PSD2: variants seen among roughly 807,000 people sequenced by gnomAD.
PSD2 encodes PH and SEC7 domain-containing protein 2.
Under a neutral mutation model 69.8 loss-of-function variants are expected in PSD2, and 38 were observed. That is an observed-to-expected ratio of 0.54 (90% CI 0.42 to 0.71). The LOEUF (loss-of-function observed/expected upper bound fraction) is 0.71, where lower values mean the gene tolerates loss of function less well. PSD2 is among the 30% of genes least tolerant of loss of function. The probability of loss-of-function intolerance (pLI) is 0.00; values close to 1 mark genes in which losing one functional copy is unlikely to be tolerated. For synonymous variants in PSD2, 412 were observed against 423.0 expected, an observed-to-expected ratio of 0.97 and a Z score of 0.32; for missense variants, 943 against 1,014.5, an observed-to-expected ratio of 0.93 and a Z score of 0.96.
chr5:139,813,447 C>T lies in PSD2; in HGVS notation c.510C>T (p.Ser170=), dbSNP rs199679832. The change falls in exon 3 of 15, where the codon AGC becomes AGT. Residue 170 remains serine (S), a synonymous_variant. Transcript: ENST00000274710. ...ACGGGCTGAGCCTCACGGATGAGAG[C>T]GACAGCTGCGTCAGCTTCGAGGCCC... ...SLDGLSLTDE[S]DSCVSFEAPL... is the part of the protein sequence containing the mutation. The T allele has an allele frequency of 5.2e-5, 84 of 1,614,028 alleles. No homozygotes were observed. Among genetic ancestry groups the T allele is most frequent in the African/African-American group, 4.3e-4 (32 of 75,060 alleles).
rs774603111 is a variant in PSD2 at position 139,837,162 on chromosome 5, C to T, written c.1595-6C>T. 13 of 1,613,966 alleles carry T rather than the reference C, an allele frequency of 8.1e-6. No individual in the cohort carries two copies. The highest frequency in any genetic ancestry group is 1.1e-5 in the Non-Finnish European group (13 of 1,179,900). On this transcript the variant is annotated splice_polypyrimidine_tract_variant and splice_region_variant and intron_variant, in intron 10 of 14. Transcript: ENST00000274710. This position sits in a 1 kb window ranked among gnomAD's most constrained non-coding sequence, Gnocchi z 5.0. ...GCAGCCACACTACCAGTGCCCTCCT[C>T]CCCAGCGCCCCGTGGGAGGCGTGGC...
chr5:139,759,137 G>C, the PSD2 span, among the ~76,000 whole-genome samples: 8 of 152,086 alleles, frequency 5.3e-5, no homozygotes, highest in Non-Finnish European at 1.0e-4. Flanking sequence ...CTTCCTGAAG[G>C]AGGCCCATGG....
the PSD2 span, among the ~76,000 whole-genome samples, chr5:139,769,719 GACCCA>G: frequency 6.6e-6 from 1 of 152,134 alleles, no homozygotes; most frequent in Admixed American, 6.5e-5. Flanking sequence ...GTGGCCTTGT[GACCCA>G]GGCTGGGTCA....
rs536470030 is a variant in PSD2, at chr5:139,809,530, C to A, written c.90C>A (p.Val30=). The part of the protein sequence containing the change: ...PGPEPEEEPG[V]RNGMASEGLN... The stretch of plus-strand genomic sequence containing the variant: ...CAGAGCCTGAAGAGGAGCCAGGGGT[C>A]CGGAATGGGATGGCCAGTGAGGGCC... The change falls in exon 2 of 15, where the codon GTC becomes GTA. Residue 30 remains valine, a synonymous_variant. Coordinates refer to ENST00000274710, the MANE Select transcript of PSD2 (RefSeq NM_032289.4). 1.9e-6 allele frequency: 3 copies of A among 1,613,250 alleles called. No homozygotes were observed. The African/African-American group carries it at 4.0e-5, about 22-fold the overall frequency.
the PSD2 span, among the ~76,000 whole-genome samples, chr5:139,749,588 T>G: frequency 6.6e-6 from 1 of 152,208 alleles, no homozygotes; most frequent in African/African-American, 2.4e-5. Context: ...AAGCTTGGAT[T>G]CCTTTCCTCA....
At chr5:139,792,861 T>TCCTTCCTC (rs1243131794), upstream of PSD2, among the ~76,000 whole-genome samples, 1 of 60,930 alleles carries the variant, frequency 1.6e-5, no homozygotes, top group Non-Finnish European at 3.4e-5. Flanking sequence ...TTTCTGTCTT[T>TCCTTCCTC]CCTTCCTTCC....
chr5:139,799,779 T>A (rs1037070904), intron 1 of PSD2, among the ~76,000 whole-genome samples: 6 of 151,074 alleles, frequency 4.0e-5, no homozygotes, highest in South Asian at 4.2e-4. Flanking sequence ...TGCTGGGGGG[T>A]ATCGGAGAAG....
chr5:139,745,888 C>T, the PSD2 span, among the ~76,000 whole-genome samples: 1 of 152,178 alleles, frequency 6.6e-6, no homozygotes, highest in African/African-American at 2.4e-5. Flanking sequence ...ACAAACAAGA[C>T]CGACACCGCC....
At chr5:139,756,984 G>C in the PSD2 span, among the ~76,000 whole-genome samples, 1 of 152,202 alleles carries the variant, frequency 6.6e-6, no homozygotes, top group East Asian at 1.9e-4. Context: ...GCTCTACAAG[G>C]TTGGAACTCA....
chr5:139,796,570 A>C (rs1469981836), intron 1 of PSD2, among the ~76,000 whole-genome samples: 1 of 152,164 alleles, frequency 6.6e-6, no homozygotes, highest in Non-Finnish European at 1.5e-5. Flanking sequence ...GAGGCACATA[A>C]TGGCCGAGGC....
chr5:139,815,308 C>T lies in PSD2; in HGVS notation c.1016+944C>T, dbSNP rs532361677. On this transcript the variant is annotated intron_variant, in intron 4 of 14. Transcript: ENST00000274710. ...CCCTCACCTGTTCTGCTAGGCTGGA[C>T]CCCCAAACCTAACGCCATCCTTTCA... is the stretch of plus-strand genomic sequence containing the variant. Among the ~76,000 whole-genome samples the T allele has an allele frequency of 3.9e-5, 6 of 152,296 alleles. No homozygotes were observed. In the South Asian group the frequency reaches 1.2e-3, roughly 32 times the overall value.
chr5:139,742,798 G>A, the PSD2 span, among the ~76,000 whole-genome samples: 3 of 152,168 alleles, frequency 2.0e-5, no homozygotes, highest in East Asian at 1.9e-4. Flanking sequence ...CCTTAGCTGC[G>A]GGGGAGCCGG....
rs1260280831 is a variant in PSD2 at position 139,843,087 on chromosome 5, GCCT to G, written c.*617_*619del. 2 of 153,234 alleles carry G rather than the reference GCCT, an allele frequency of 1.3e-5. No homozygotes were observed. Among genetic ancestry groups the G allele is most frequent in the Admixed American group, 6.5e-5 (1 of 15,296 alleles). The allele number at this position is 153,234 out of a possible 1,614,324, so 9.5% of individuals were successfully genotyped here. A position where few individuals can be genotyped will look rare whatever the true frequency, so the allele number is the denominator to read the frequency against. ...TCTTTTCATCCATTGAGATCACACT[GCCT>G]CCTTTTTATACAGACACAAATATAC... On this transcript the variant is annotated 3_prime_UTR_variant, in exon 15 of 15. Coordinates refer to ENST00000274710, the MANE Select transcript of PSD2 (RefSeq NM_032289.4).
the PSD2 span, among the ~76,000 whole-genome samples, chr5:139,785,298 A>G: frequency 6.9e-6 from 1 of 145,756 alleles, no homozygotes; most frequent in Non-Finnish European, 1.5e-5. Flanking sequence ...ATCTCGGCTT[A>G]CTGCAACCTC....
chr5:139,768,131 G>A, the PSD2 span, among the ~76,000 whole-genome samples: 1 of 152,220 alleles, frequency 6.6e-6, no homozygotes, highest in East Asian at 1.9e-4. Context: ...GCTGAACCTG[G>A]GGGCCTTGCC....
At chr5:139,835,046 CCATCTACTCACCTCAACAAACTTCTCCA>C (rs1266591892) in intron 8 of PSD2, among the ~76,000 whole-genome samples, 1 of 151,856 alleles carries the variant, frequency 6.6e-6, no homozygotes, top group Non-Finnish European at 1.5e-5. Context: ...CAAACACTCC[CCATCTACTCACCTCAACAAACTTCTCCA>C]CATCTACTCA....
chr5:139,747,258 A>T, the PSD2 span, among the ~76,000 whole-genome samples: 1 of 150,236 alleles, frequency 6.7e-6, no homozygotes, highest in Non-Finnish European at 1.5e-5. The surrounding 1 kb of genome is among the most constrained non-coding windows in gnomAD (Gnocchi z 6.7). Context: ...AGTTACCCCC[A>T]ACCCCCCGCA....
the PSD2 span, among the ~76,000 whole-genome samples, chr5:139,752,496 C>A: frequency 6.6e-6 from 1 of 152,304 alleles, no homozygotes; most frequent in South Asian, 2.1e-4. Flanking sequence ...ACCCATCCAA[C>A]ACACACACAA....
chr5:139,810,101 G>C (rs866886277), intron 2 of PSD2, among the ~76,000 whole-genome samples: 1 of 152,028 alleles, frequency 6.6e-6, no homozygotes, highest in African/African-American at 2.4e-5. Flanking sequence ...CTGGGCATTC[G>C]ATTTCCAAGT....
Sources: allele counts gnomAD v4.1 joint callset (sites outside exome capture counted in the v4.1 genomes callset), GRCh38; gene constraint gnomAD v4.1.1; non-coding constraint Gnocchi (gnomAD v3.1); transcripts MANE v1.5; gene names NCBI Gene and HGNC (gene_info 2026-07-23, HGNC 2026-07-21).